Variants in SLC4A8 observed in about 807,000 individuals in gnomAD.
SLC4A8 encodes the protein electroneutral sodium bicarbonate exchanger 1.
In SLC4A8, 40 loss-of-function variants were observed where a neutral mutation model predicts 125.0. The observed-to-expected ratio is 0.32, with a 90% CI of 0.25 to 0.42. SLC4A8 has a LOEUF of 0.42. SLC4A8 is among the 10% of genes least tolerant of loss of function. The pLI, the probability that SLC4A8 is intolerant of heterozygous loss-of-function variation, is 1.00. For synonymous variants in SLC4A8, 456 were observed against 476.0 expected (o/e 0.96, Z 0.55); for missense variants, 863 against 1,355.1 (o/e 0.64, Z 5.70).
intron 2 of SLC4A8, among the ~76,000 whole-genome samples, chr12:51,441,884 G>GTA (rs1949609713): frequency 6.6e-6 from 1 of 152,186 alleles, no homozygotes; most frequent in South Asian, 2.1e-4. Context: ...TGGTGTTTGG[G>GTA]TATACCAAGG....
intron 11 of SLC4A8, chr12:51,466,641 T>C (rs1050375761): frequency 6.6e-6 from 1 of 152,226 alleles, no homozygotes. Context: ...GAAGCATCCA[T>C]GCCTGATGAA....
At chr12:51,449,367 A>T (rs1592202549) in intron 2 of SLC4A8, among the ~76,000 whole-genome samples, 2 of 151,914 alleles carry the variant, frequency 1.3e-5, no homozygotes, top group Non-Finnish European at 2.9e-5. Context: ...CAAGGCTACC[A>T]TGAGTGGTGA....
intron 1 of SLC4A8, among the ~76,000 whole-genome samples, chr12:51,406,661 C>A (rs1948494565): frequency 6.6e-6 from 1 of 152,134 alleles, no homozygotes; most frequent in African/African-American, 2.4e-5. Flanking sequence ...CGTTGGTGGC[C>A]CCCACAATTT....
chr12:51,463,781 T>C, intron 11 of SLC4A8, 67 bp downstream of exon 11: 1 of 1,088,478 alleles, frequency 9.2e-7, no homozygotes, highest in East Asian at 2.4e-5. Flanking sequence ...GAATGAGGCA[T>C]CTTCTTTCTT....
At chr12:51,476,886 C>G (rs1950869803) in intron 16 of SLC4A8, among the ~76,000 whole-genome samples, 1 of 143,536 alleles carries the variant, frequency 7.0e-6, no homozygotes, top group African/African-American at 2.6e-5. Flanking sequence ...ACAGCATTTT[C>G]TTGTTTTTCT....
chr12:51,459,883 A>G, intron 7 of SLC4A8, 68 bp from the exon 8 acceptor site: 2 of 1,404,652 alleles, frequency 1.4e-6, no homozygotes, highest in East Asian at 2.3e-5. Flanking sequence ...AAAAGTAAAT[A>G]AAAAATTTAA....
chr12:51,448,147 G>A (rs907379575), intron 2 of SLC4A8, among the ~76,000 whole-genome samples: 5 of 152,188 alleles, frequency 3.3e-5, no homozygotes, highest in African/African-American at 1.2e-4. Flanking sequence ...TGAGTACTGA[G>A]CATGAAGGTC....
intron 20 of SLC4A8, among the ~76,000 whole-genome samples, chr12:51,494,067 A>G (rs1370289475): frequency 6.6e-6 from 1 of 152,198 alleles, no homozygotes; most frequent in Non-Finnish European, 1.5e-5. Flanking sequence ...TTGCTTTGCC[A>G]GGTGCTAGTA....
chr12:51,481,760 T>A (rs1951033384), intron 16 of SLC4A8, among the ~76,000 whole-genome samples: 1 of 150,956 alleles, frequency 6.6e-6, no homozygotes, highest in Non-Finnish European at 1.5e-5. Context: ...CTGGGCAACA[T>A]GGCAAAACCC....
chr12:51,498,103 C>G (rs1031658701), intron 22 of SLC4A8, among the ~76,000 whole-genome samples: 4 of 150,578 alleles, frequency 2.7e-5, no homozygotes. Context: ...CTTTAAAAAT[C>G]TTGTATTTCT....
intron 19 of SLC4A8, 38 bp downstream of exon 19, chr12:51,489,989 C>A (rs753409143): frequency 6.3e-7 from 1 of 1,598,914 alleles, no homozygotes; most frequent in Admixed American, 1.7e-5. Flanking sequence ...ATATCAAGGG[C>A]CTGATTTGTG....
At chr12:51,503,775 T>TACA (rs1427209262) in intron 22 of SLC4A8, among the ~76,000 whole-genome samples, 1 of 152,244 alleles carries the variant, frequency 6.6e-6, no homozygotes, top group East Asian at 1.9e-4. Context: ...GCTATATTTG[T>TACA]AGTAAATTGG....
upstream of SLC4A8, among the ~76,000 whole-genome samples, chr12:51,424,066 C>CAAAAAAAAAAAACA (rs60139804): frequency 3.6e-4 from 38 of 106,224 alleles, 2 homozygotes; most frequent in East Asian, 8.8e-4. Flanking sequence ...AAAAAAACAA[C>CAAAAAAAAAAAACA]AAAAAAAAAA....
rs1237865538 is a variant in SLC4A8, at chr12:51,463,634, A to C, written c.1269A>C (p.Gly423=). The C allele has an allele frequency of 6.2e-7, 1 of 1,613,738 alleles. No homozygotes were observed. Among genetic ancestry groups the C allele is most frequent in the African/African-American group, 1.3e-5 (1 of 74,922 alleles). The change falls in exon 11 of 25, where the codon GGA becomes GGC. Residue 423 remains glycine, a synonymous_variant. Transcript: ENST00000453097. The part of the protein sequence containing the change: ...VPSQEKRKMP[G]VPNGNVCHIE... ...AAAAGGAGAAAAGGAAAATGCCTGGAGTTCCAAATGGAAATGTTTGCCACA... is the reference window on the plus strand; with the variant it reads ...AAAAGGAGAAAAGGAAAATGCCTGGCGTTCCAAATGGAAATGTTTGCCACA...
intron 2 of SLC4A8, among the ~76,000 whole-genome samples, chr12:51,442,646 C>G (rs1451927779): frequency 1.3e-5 from 2 of 152,026 alleles, no homozygotes; most frequent in Non-Finnish European, 2.9e-5. Context: ...TGTACGTAGA[C>G]TTTTTTGAAA....
chr12:51,432,250 T>C (rs1592171479), intron 1 of SLC4A8, among the ~76,000 whole-genome samples: 3 of 147,768 alleles, frequency 2.0e-5, no homozygotes, highest in Non-Finnish European at 4.5e-5. Flanking sequence ...CTACTAAAAA[T>C]ACAAAAAAAA....
rs1938329327 is a variant in SLC4A8, at chr12:51,510,466, T to C, written c.*3028T>C. ...AAAACTTCCCAATAGGAGGTATTCCTTGATGGCTCTCGAATGCATGAATGA... is the reference window on the plus strand; with the variant it reads ...AAAACTTCCCAATAGGAGGTATTCCCTGATGGCTCTCGAATGCATGAATGA... On this transcript the variant is annotated 3_prime_UTR_variant, in exon 25 of 25. Coordinates refer to ENST00000453097, the MANE Select transcript of SLC4A8 (RefSeq NM_001039960.3). The C allele has an allele frequency of 6.6e-6, 1 of 152,096 alleles. No homozygotes were observed. The highest frequency in any genetic ancestry group is 1.5e-5 in the Non-Finnish European group (1 of 68,022). The allele number at this position is 152,096 out of a possible 1,614,324, so 9.4% of individuals were successfully genotyped here.
At chr12:51,411,759 G>C (rs1339253413) in intron 1 of SLC4A8, among the ~76,000 whole-genome samples, 1 of 152,126 alleles carries the variant, frequency 6.6e-6, no homozygotes, top group Admixed American at 6.5e-5. Flanking sequence ...AGCTGCTTAA[G>C]TGTTTAAGAA....
In SLC4A8 at chr12:51,514,465, G is replaced by A. The variant is rs1938467803; in HGVS notation, c.*7027G>A. 6.6e-6 allele frequency: 1 copy of A among 152,268 alleles called. No homozygotes were observed. Among genetic ancestry groups the A allele is most frequent in the Non-Finnish European group, 1.5e-5 (1 of 68,038 alleles). The allele number at this position is 152,268 out of a possible 1,614,324, so 9.4% of individuals were successfully genotyped here. ...TTTCCTCAGTCTGTCAAGTTCTTTGGAGGAAAGAAGTTCTTGGTCAGAGGT... is the reference window on the plus strand; with the variant it reads ...TTTCCTCAGTCTGTCAAGTTCTTTGAAGGAAAGAAGTTCTTGGTCAGAGGT... On this transcript the variant is annotated 3_prime_UTR_variant, in exon 25 of 25. Coordinates refer to ENST00000453097, the MANE Select transcript of SLC4A8 (RefSeq NM_001039960.3).
Sources: allele counts gnomAD v4.1 joint callset (sites outside exome capture counted in the v4.1 genomes callset), GRCh38; gene constraint gnomAD v4.1.1; transcripts MANE v1.5; gene names NCBI Gene and HGNC (gene_info 2026-07-23, HGNC 2026-07-21).